SORCS3: variants seen among roughly 807,000 people sequenced by gnomAD.
SORCS3 encodes sortilin related VPS10 domain containing receptor 3.
Under a neutral mutation model 146.3 loss-of-function variants are expected in SORCS3, and 57 were observed. That is an observed-to-expected ratio of 0.39 (90% CI 0.31 to 0.49). SORCS3 has a LOEUF of 0.49. Among genes scored for constraint, SORCS3 ranks in the 20% least tolerant of loss-of-function variants. The pLI, the probability that SORCS3 is intolerant of heterozygous loss-of-function variation, is 0.92. For missense variants in SORCS3, 1,341 were observed against 1,575.5 expected, an observed-to-expected ratio of 0.85 and a Z score of 2.52; for synonymous variants, 653 against 618.5, an observed-to-expected ratio of 1.06 and a Z score of -0.83.
chr10:104,975,833 G>T (rs191441036), intron 3 of SORCS3, among the ~76,000 whole-genome samples: 2,273 of 152,278 alleles, frequency 0.015, 31 homozygotes, highest in Non-Finnish European at 0.022. Context: ...TTTAATAAAT[G>T]GTGCCGGGAA....
intron 3 of SORCS3, among the ~76,000 whole-genome samples, chr10:104,965,910 G>C (rs1183198060): frequency 6.6e-6 from 1 of 152,068 alleles, no homozygotes; most frequent in African/African-American, 2.4e-5. Context: ...GAAAGGTGGG[G>C]AGTCTAATTT....
intron 1 of SORCS3, among the ~76,000 whole-genome samples, chr10:104,735,452 G>T (rs114242322): frequency 0.088 from 2,027 of 23,096 alleles, 73 homozygotes; most frequent in African/African-American, 0.27. Context: ...AGCTCTCACC[G>T]TCTGTTTTTT....
At chr10:105,224,366 C>T (rs1163175283) in intron 20 of SORCS3, among the ~76,000 whole-genome samples, 1 of 152,154 alleles carries the variant, frequency 6.6e-6, no homozygotes, top group Non-Finnish European at 1.5e-5. Context: ...TGGCTTCCTT[C>T]ACTAAGCAAT....
At chr10:104,877,028 T>G (rs1484248658) in intron 2 of SORCS3, among the ~76,000 whole-genome samples, 1 of 151,978 alleles carries the variant, frequency 6.6e-6, no homozygotes, top group Non-Finnish European at 1.5e-5. Context: ...TTTTTTCCTT[T>G]TTTTTGGAGA....
chr10:105,068,249 A>G (rs1365717993), intron 5 of SORCS3, among the ~76,000 whole-genome samples: 3 of 152,198 alleles, frequency 2.0e-5, no homozygotes, highest in African/African-American at 7.2e-5. Flanking sequence ...TTTAGTTAAC[A>G]ATATCGCTAT....
intron 3 of SORCS3, among the ~76,000 whole-genome samples, chr10:104,925,431 C>A (rs925097666): frequency 6.6e-6 from 1 of 152,134 alleles, no homozygotes; most frequent in African/African-American, 2.4e-5. Flanking sequence ...AGAATAACTC[C>A]CCCTGGTGGC....
chr10:105,199,953 G>T (rs779272895), intron 14 of SORCS3, 46 bp from the exon 15 acceptor site: 1 of 1,370,366 alleles, frequency 7.3e-7, no homozygotes, highest in Non-Finnish European at 1.0e-6. Context: ...GACTGACTAT[G>T]GGACTTTCTC....
intron 16 of SORCS3, among the ~76,000 whole-genome samples, chr10:105,208,331 ACT>A (rs2056614688): frequency 6.7e-6 from 1 of 149,348 alleles, no homozygotes; most frequent in African/African-American, 2.5e-5. Flanking sequence ...ACAGAGTGAG[ACT>A]CTGTCTCAGA....
chr10:104,889,311 A>G (rs1184090517), intron 2 of SORCS3, among the ~76,000 whole-genome samples: 1 of 148,376 alleles, frequency 6.7e-6, no homozygotes, highest in Admixed American at 6.7e-5. Flanking sequence ...ATCCGATCTG[A>G]CAATCTTTGC....
At chr10:104,963,495 C>T (rs1310004656) in intron 3 of SORCS3, among the ~76,000 whole-genome samples, 1 of 152,128 alleles carries the variant, frequency 6.6e-6, no homozygotes, top group Non-Finnish European at 1.5e-5. Context: ...TCTCAGGCTC[C>T]TTTCCTGGTC....
At chr10:105,038,772 T>C (rs2055321196) in intron 4 of SORCS3, among the ~76,000 whole-genome samples, 1 of 152,170 alleles carries the variant, frequency 6.6e-6, no homozygotes, top group Non-Finnish European at 1.5e-5. Context: ...TTATAACATA[T>C]TTTTAAATTA....
chr10:104,960,739 A>G (rs1039023398), intron 3 of SORCS3, among the ~76,000 whole-genome samples: 9 of 152,316 alleles, frequency 5.9e-5, no homozygotes, highest in Non-Finnish European at 1.2e-4. Flanking sequence ...GGAGGGGACA[A>G]ATATGTAAAC....
At chr10:105,183,639 C>T (rs1408496032) in intron 14 of SORCS3, among the ~76,000 whole-genome samples, 1 of 152,132 alleles carries the variant, frequency 6.6e-6, no homozygotes, top group Non-Finnish European at 1.5e-5. Context: ...TCGGCAAATC[C>T]GGTGGAACTC....
At chr10:104,644,418 A>G (rs976147242) in intron 1 of SORCS3, among the ~76,000 whole-genome samples, 10 of 152,264 alleles carry the variant, frequency 6.6e-5, no homozygotes, top group Admixed American at 6.5e-4. Context: ...GCATACTCAC[A>G]TGGCCCTGTC....
At chr10:105,092,844 C>T (rs1041270003) in intron 6 of SORCS3, among the ~76,000 whole-genome samples, 5 of 152,168 alleles carry the variant, frequency 3.3e-5, no homozygotes, top group African/African-American at 1.2e-4. Flanking sequence ...AGGACATCTA[C>T]AAAAAACCTA....
At position 105,017,386 on chromosome 10, in the gene SORCS3, T is replaced by G. The variant is rs566987409; in HGVS notation, c.955-25669T>G. 4.5e-4 allele frequency among the ~76,000 whole-genome samples: 69 copies of G among 152,296 alleles called. 1 individual carries two copies. The highest frequency in any genetic ancestry group is 1.7e-3 in the African/African-American group (69 of 41,570). The stretch of plus-strand genomic sequence containing the variant: ...AACTGGTGCTGACAAATAAAGAGTC[T>G]TCTCTGCTGATTCAGAGATGAGAAA... On this transcript the variant is annotated intron_variant, in intron 4 of 26. Coordinates refer to ENST00000369701, the MANE Select transcript of SORCS3 (RefSeq NM_014978.3).
chr10:104,696,534 ATATAC>A (rs1377948708), intron 1 of SORCS3, among the ~76,000 whole-genome samples: 3 of 82,078 alleles, frequency 3.7e-5, no homozygotes, highest in Non-Finnish European at 6.4e-5. Context: ...AATATATATT[ATATAC>A]ATATATAATA....
At chr10:104,725,862 G>C (rs1467072082) in intron 1 of SORCS3, among the ~76,000 whole-genome samples, 3 of 152,244 alleles carry the variant, frequency 2.0e-5, no homozygotes, top group Admixed American at 2.0e-4. Flanking sequence ...CGGTTTTCCA[G>C]GTGCTGTCTG....
intron 14 of SORCS3, among the ~76,000 whole-genome samples, chr10:105,186,780 A>T (rs2056479935): frequency 6.6e-6 from 1 of 151,122 alleles, no homozygotes; most frequent in East Asian, 2.0e-4. Flanking sequence ...GCTACTTGGG[A>T]GGCTGAGGTG....
Sources: gnomAD v4.1 joint callset for allele counts (sites outside exome capture counted in the v4.1 genomes callset) on GRCh38, gnomAD v4.1.1 for gene constraint, MANE v1.5 for transcripts, NCBI Gene and HGNC (gene_info 2026-07-23, HGNC 2026-07-21) for gene names.